CFAP70: variants seen among roughly 807,000 people sequenced by gnomAD.
The protein encoded by CFAP70 is cilia and flagella associated protein 70.
CFAP70 carries 81 observed loss-of-function variants against 137.6 expected under a neutral mutation model. The observed-to-expected ratio is 0.59, with a 90% CI of 0.49 to 0.71. The LOEUF (loss-of-function observed/expected upper bound fraction) is 0.71. Among genes scored for constraint, CFAP70 ranks in the 30% least tolerant of loss-of-function variants. CFAP70 has a pLI of 0.00. For missense variants in CFAP70, 976 were observed against 1,226.7 expected, an observed-to-expected ratio of 0.80 and a Z score of 3.05; for synonymous variants, 382 against 423.6, an observed-to-expected ratio of 0.90 and a Z score of 1.20.
chr10:73,275,703 G>A lies in CFAP70; in HGVS notation c.2521-105C>T. 2.0e-6 allele frequency: 2 copies of A among 1,011,226 alleles called. No homozygotes were observed. Among genetic ancestry groups the A allele is most frequent in the Non-Finnish European group, 2.7e-6 (2 of 730,092 alleles). The allele number at this position is 1,011,226 out of a possible 1,614,324, so 62.6% of individuals were successfully genotyped here. On this transcript the variant is annotated intron_variant, in intron 21 of 26. Coordinates refer to ENST00000310715, the Ensembl canonical transcript of CFAP70. The surrounding 1 kb of genome is among the most constrained non-coding windows in gnomAD (Gnocchi z 4.0). ...AATAAATAATACGAAATGTATTACAGAATGAAATAATTATCCTCAACTTCA... is the reference window on the plus strand; with the variant it reads ...AATAAATAATACGAAATGTATTACAAAATGAAATAATTATCCTCAACTTCA...
chr10:73,280,958 T>C (rs868739295), intron 19 of CFAP70, among the ~76,000 whole-genome samples: 1 of 152,168 alleles, frequency 6.6e-6, no homozygotes, highest in African/African-American at 2.4e-5. Flanking sequence ...TTTAATTTGA[T>C]TTTCTTGTTC....
chr10:73,294,257 CTT>C (rs2048377183), intron 15 of CFAP70: 1 of 152,278 alleles, frequency 6.6e-6, no homozygotes, highest in African/African-American at 2.4e-5. Context: ...CACTCCATGT[CTT>C]GTCTTCCACC....
Position 73,348,249 on chromosome 10 carries a change from C to A in CFAP70, c.349+174G>T, listed in dbSNP as rs1310907080. On this transcript the variant is annotated intron_variant, in intron 4 of 26. Transcript: ENST00000310715. ...ATGAACTCTGTCCTGCAAAAAGAAG[C>A]CCAAGTTGAGCCAAAGAAGAAAGGG... 3 of 1,613,976 alleles carry A rather than the reference C, an allele frequency of 1.9e-6. No individual in the cohort carries two copies. Among genetic ancestry groups the A allele is most frequent in the Non-Finnish European group, 1.7e-6 (2 of 1,179,954 alleles).
chr10:73,288,888 T>TA (rs1258416400), intron 19 of CFAP70, among the ~76,000 whole-genome samples: 1 of 152,228 alleles, frequency 6.6e-6, no homozygotes, highest in Non-Finnish European at 1.5e-5. Context: ...GGTTTCCCTA[T>TA]ATAGCCTGAA....
intron 15 of CFAP70, chr10:73,296,296 C>T (rs59506595): frequency 6.6e-6 from 1 of 152,192 alleles, no homozygotes; most frequent in East Asian, 1.9e-4. Flanking sequence ...CATCCATGCC[C>T]AAGGCAGGAC....
Position 73,277,237 on chromosome 10 carries a change from G to C in CFAP70, c.2520+3C>G, listed in dbSNP as rs1216945647. The C allele has an allele frequency of 1.2e-6, 2 of 1,612,306 alleles. No individual in the cohort carries two copies. Among genetic ancestry groups the C allele is most frequent in the East Asian group, 2.2e-5 (1 of 44,842 alleles). ...CTACTTGCCCTTTTCCAAATACTCT[G>C]ACCTGCACAGCCTTGACTTTCATCA... is the stretch of plus-strand genomic sequence containing the variant. On this transcript the variant is annotated splice_donor_region_variant and intron_variant, in intron 21 of 26. Coordinates refer to ENST00000310715, the Ensembl canonical transcript of CFAP70.
chr10:73,291,269 G>C (rs1192023290), exon 19 of CFAP70: 3 of 1,614,026 alleles, frequency 1.9e-6, no homozygotes, highest in Non-Finnish European at 2.5e-6. Flanking sequence ...AACCATTTGT[G>C]ATTCCCCAAG....
intron 19 of CFAP70, among the ~76,000 whole-genome samples, chr10:73,284,230 G>A (rs1207894554): frequency 6.6e-6 from 1 of 152,126 alleles, no homozygotes; most frequent in East Asian, 1.9e-4. Flanking sequence ...TTCAAAGCCA[G>A]AAGCATAACA....
exon 7 of CFAP70, chr10:73,335,461 G>T: frequency 1.2e-6 from 2 of 1,610,614 alleles, no homozygotes; most frequent in Non-Finnish European, 1.7e-6. Context: ...AGGTAGCAGC[G>T]ACTTTCCAAG....
chr10:73,304,319 G>T (rs2049201600), intron 12 of CFAP70, among the ~76,000 whole-genome samples: 1 of 152,178 alleles, frequency 6.6e-6, no homozygotes, highest in Admixed American at 6.5e-5. Flanking sequence ...CTCTCAAAGG[G>T]CTGGGATTAC....
chr10:73,324,358 A>G (rs1371415237), intron 8 of CFAP70, among the ~76,000 whole-genome samples: 1 of 152,240 alleles, frequency 6.6e-6, no homozygotes, highest in African/African-American at 2.4e-5. Context: ...TCAAAGACCA[A>G]AAGTAGATAA....
exon 6 of CFAP70, chr10:73,341,442 C>T: frequency 1.2e-6 from 2 of 1,614,080 alleles, no homozygotes; most frequent in South Asian, 2.2e-5. Flanking sequence ...ATAGGGACCA[C>T]CAACAATGAA....
intron 25 of CFAP70, among the ~76,000 whole-genome samples, chr10:73,257,489 T>C (rs977318715): frequency 2.0e-5 from 3 of 152,246 alleles, no homozygotes; most frequent in Non-Finnish European, 2.9e-5. Context: ...CAAAGTCACT[T>C]GGTAAAGCTT....
At chr10:73,305,939 A>G (rs1036123128) in intron 12 of CFAP70, among the ~76,000 whole-genome samples, 5 of 152,208 alleles carry the variant, frequency 3.3e-5, no homozygotes, top group African/African-American at 9.6e-5. Context: ...CAAAACAAAG[A>G]GAAAAAAGGA....
chr10:73,297,314 T>A (rs1047939966), intron 14 of CFAP70, 141 bp from the exon 16 acceptor site: 11 of 759,210 alleles, frequency 1.4e-5, no homozygotes, highest in Non-Finnish European at 2.2e-5. Flanking sequence ...TGGTAGACTA[T>A]CAGCTCTCCA....
intron 8 of CFAP70, among the ~76,000 whole-genome samples, chr10:73,326,523 C>G (rs1337105754): frequency 1.3e-5 from 2 of 148,322 alleles, no homozygotes; most frequent in African/African-American, 5.0e-5. Context: ...ACAAAAAACC[C>G]TTCAAAAAAT....
intron 6 of CFAP70, among the ~76,000 whole-genome samples, chr10:73,336,580 C>CT (rs58611619): frequency 0.046 from 5,700 of 124,238 alleles, 384 homozygotes; most frequent in African/African-American, 0.12. Context: ...TACTATTTTC[C>CT]TTTTTTTTTT....
At chr10:73,353,884 T>A in intron 2 of CFAP70, 142 bp from the exon 3 acceptor site, 1 of 703,886 alleles carries the variant, frequency 1.4e-6, no homozygotes, top group Non-Finnish European at 2.3e-6. Flanking sequence ...AAGGAATAGG[T>A]AGAAAAATCA....
chr10:73,312,868 G>C (rs1221207123), intron 9 of CFAP70, among the ~76,000 whole-genome samples: 2 of 152,174 alleles, frequency 1.3e-5, no homozygotes, highest in African/African-American at 4.8e-5. Context: ...ATTTAAAGGA[G>C]ACCTTACAAC....
Sources: gnomAD v4.1 joint callset for allele counts (sites outside exome capture counted in the v4.1 genomes callset) on GRCh38, gnomAD v4.1.1 for gene constraint, Gnocchi (gnomAD v3.1) non-coding constraint, MANE v1.5 for transcripts, NCBI Gene and HGNC (gene_info 2026-07-23, HGNC 2026-07-21) for gene names.